The following EXT1 variants were observed in gnomAD, a reference collection of about 807,000 sequenced individuals.
EXT1 encodes exostosin-1.
EXT1 carries 20 observed loss-of-function variants against 82.5 expected under a neutral mutation model. That is an observed-to-expected ratio of 0.24 (90% CI 0.17 to 0.35). The LOEUF (loss-of-function observed/expected upper bound fraction) is 0.35, where lower values mean the gene tolerates loss of function less well. Among genes scored for constraint, EXT1 ranks in the 10% least tolerant of loss-of-function variants. The pLI, the probability that EXT1 is intolerant of heterozygous loss-of-function variation, is 1.00. For synonymous variants in EXT1, 348 were observed against 350.8 expected (o/e 0.99, Z 0.09); for missense variants, 757 against 936.5 (o/e 0.81, Z 2.50).
At chr8:117,907,750 T>C (rs1327374076) in intron 1 of EXT1, among the ~76,000 whole-genome samples, 3 of 152,194 alleles carry the variant, frequency 2.0e-5, no homozygotes, top group African/African-American at 7.2e-5. Flanking sequence ...GTCTTCCTGA[T>C]TAAATTCACA....
chr8:117,958,249 A>G (rs1374174968), intron 1 of EXT1, among the ~76,000 whole-genome samples: 1 of 152,200 alleles, frequency 6.6e-6, no homozygotes, highest in Non-Finnish European at 1.5e-5. Context: ...CATTCATCTC[A>G]TAGGAAAGCA....
At chr8:117,882,772 T>C (rs1813082617) in intron 1 of EXT1, among the ~76,000 whole-genome samples, 1 of 150,638 alleles carries the variant, frequency 6.6e-6, no homozygotes, top group East Asian at 2.0e-4. Flanking sequence ...AGGACAAGAG[T>C]CCGATACCAT....
At chr8:118,011,469 G>T (rs534113288) in intron 1 of EXT1, among the ~76,000 whole-genome samples, 1 of 152,300 alleles carries the variant, frequency 6.6e-6, no homozygotes, top group South Asian at 2.1e-4. Context: ...ATTAGGGTAT[G>T]AAGAGGGGAA....
At chr8:117,991,556 T>G (rs530854340) in intron 1 of EXT1, among the ~76,000 whole-genome samples, 24 of 152,084 alleles carry the variant, frequency 1.6e-4, no homozygotes, top group Admixed American at 1.4e-3. Context: ...TTATTTTCCT[T>G]TTTTTATTTT....
At chr8:117,930,719 A>G (rs558764940) in intron 1 of EXT1, among the ~76,000 whole-genome samples, 5 of 152,328 alleles carry the variant, frequency 3.3e-5, no homozygotes, top group South Asian at 2.1e-4. Context: ...GGGGCTGGGT[A>G]AAATAAGGCA....
intron 1 of EXT1, among the ~76,000 whole-genome samples, chr8:118,022,234 AT>A (rs1251212712): frequency 6.6e-6 from 1 of 151,090 alleles, no homozygotes; most frequent in Non-Finnish European, 1.5e-5. Flanking sequence ...GTTTATATAT[AT>A]GCATATATAA....
In EXT1 at chr8:117,797,258, T is replaced by C. The variant is rs1823100624; in HGVS notation, c.*2454A>G. On this transcript the variant is annotated 3_prime_UTR_variant, in exon 11 of 11. Coordinates refer to ENST00000378204, the MANE Select transcript of EXT1 (RefSeq NM_000127.3). ...TATTCCAAATGGGAGAAGAACACGC[T>C]AGCTCACATCCCAAAGAGATTTGCT... The C allele has an allele frequency of 6.6e-6, 1 of 152,276 alleles. No individual in the cohort carries two copies. The highest frequency in any genetic ancestry group is 6.5e-5 in the Admixed American group (1 of 15,282). 9.4% of individuals were successfully genotyped at this position (152,276 alleles called of 1,614,324 possible).
At chr8:117,897,230 T>C (rs1813356558) in intron 1 of EXT1, among the ~76,000 whole-genome samples, 1 of 152,140 alleles carries the variant, frequency 6.6e-6, no homozygotes, top group Non-Finnish European at 1.5e-5. Context: ...AATGAGAAAA[T>C]TAAACCATAT....
At chr8:117,956,053 T>C (rs1814579586) in intron 1 of EXT1, among the ~76,000 whole-genome samples, 1 of 152,158 alleles carries the variant, frequency 6.6e-6, no homozygotes, top group African/African-American at 2.4e-5. Context: ...AAAATGATTT[T>C]AGAGTATTTG....
intron 1 of EXT1, among the ~76,000 whole-genome samples, chr8:117,972,739 G>A (rs1423197349): frequency 3.9e-5 from 6 of 152,118 alleles, no homozygotes; most frequent in African/African-American, 9.7e-5. Context: ...AAATCATGGC[G>A]GAAAGGGAAG....
intron 1 of EXT1, among the ~76,000 whole-genome samples, chr8:117,931,933 T>C (rs576063603): frequency 2.6e-5 from 4 of 152,342 alleles, no homozygotes; most frequent in African/African-American, 9.6e-5. Flanking sequence ...TAAGTAATTA[T>C]GGACCATATA....
At chr8:117,853,256 T>C (rs1022982528) in intron 1 of EXT1, among the ~76,000 whole-genome samples, 17 of 152,156 alleles carry the variant, frequency 1.1e-4, no homozygotes, top group Admixed American at 8.5e-4. Flanking sequence ...AAAGACTGGA[T>C]GTCTGAGGCC....
At chr8:118,030,635 C>T (rs971326438) in intron 1 of EXT1, among the ~76,000 whole-genome samples, 2 of 152,146 alleles carry the variant, frequency 1.3e-5, no homozygotes, top group Non-Finnish European at 2.9e-5. Context: ...GGATGTGCCA[C>T]CACGCCCAGC....
chr8:118,032,236 C>G (rs1563634934), intron 1 of EXT1, among the ~76,000 whole-genome samples: 1 of 151,396 alleles, frequency 6.6e-6, no homozygotes, highest in East Asian at 1.9e-4. Flanking sequence ...GTCCCCGGAG[C>G]AGAAACAGCA....
intron 1 of EXT1, among the ~76,000 whole-genome samples, chr8:118,058,838 T>C (rs895627583): frequency 7.9e-5 from 12 of 152,190 alleles, no homozygotes; most frequent in Admixed American, 3.3e-4. Context: ...GATTGATTGA[T>C]TGGCAGACAG....
chr8:117,905,551 G>A (rs1318569967), intron 1 of EXT1, among the ~76,000 whole-genome samples: 1 of 152,092 alleles, frequency 6.6e-6, no homozygotes, highest in African/African-American at 2.4e-5. Flanking sequence ...GGTGGCTCAC[G>A]CCTGTAATCC....
intron 1 of EXT1, among the ~76,000 whole-genome samples, chr8:118,038,413 C>T (rs1031308500): frequency 1.1e-4 from 17 of 152,170 alleles, no homozygotes; most frequent in African/African-American, 3.4e-4. Flanking sequence ...TGCAGAATCC[C>T]TGTAGAGTCC....
chr8:117,917,165 AC>A (rs1370827399), intron 1 of EXT1, among the ~76,000 whole-genome samples: 4 of 152,186 alleles, frequency 2.6e-5, no homozygotes, highest in Admixed American at 2.0e-4. Context: ...TCTTACAACT[AC>A]AGACTTTTTA....
At chr8:117,883,874 A>G (rs1331530232) in intron 1 of EXT1, among the ~76,000 whole-genome samples, 1 of 152,196 alleles carries the variant, frequency 6.6e-6, no homozygotes, top group African/African-American at 2.4e-5. Flanking sequence ...TTTGAATTAC[A>G]CAGTGTAGTT....
Sources: allele counts gnomAD v4.1 joint callset (sites outside exome capture counted in the v4.1 genomes callset), GRCh38; gene constraint gnomAD v4.1.1; transcripts MANE v1.5; gene names NCBI Gene and HGNC (gene_info 2026-07-23, HGNC 2026-07-21).